DOCK9: variants seen among roughly 807,000 people sequenced by gnomAD.
The protein encoded by DOCK9 is dedicator of cytokinesis 9.
DOCK9 carries 89 observed loss-of-function variants against 263.3 expected under a neutral mutation model. The observed-to-expected ratio is 0.34, with a 90% CI of 0.28 to 0.40. DOCK9 has a LOEUF of 0.40. Among genes scored for constraint, DOCK9 ranks in the 10% least tolerant of loss-of-function variants. The pLI is 1.00. For missense variants in DOCK9, 2,140 were observed against 2,603.4 expected (o/e 0.82, Z 3.87); for synonymous variants, 976 against 973.1 (o/e 1.00, Z -0.06).
At chr13:98,872,177 T>C (rs1034234197) in intron 27 of DOCK9, among the ~76,000 whole-genome samples, 2 of 152,208 alleles carry the variant, frequency 1.3e-5, no homozygotes, top group Admixed American at 1.3e-4. Flanking sequence ...CTCTCTGGTG[T>C]GGTTTAGAGG....
chr13:98,954,897 C>CACACACACACACAT (rs1267820966), intron 2 of DOCK9, among the ~76,000 whole-genome samples: 9 of 149,826 alleles, frequency 6.0e-5, no homozygotes, highest in African/African-American at 2.2e-4. Context: ...CACACACACA[C>CACACACACACACAT]ATTTTGGCAT....
chr13:98,908,717 A>G (rs1285123456), intron 9 of DOCK9, among the ~76,000 whole-genome samples: 1 of 152,188 alleles, frequency 6.6e-6, no homozygotes, highest in Non-Finnish European at 1.5e-5. Flanking sequence ...CAGTTTGGTG[A>G]AAGGGGAATT....
At chr13:98,958,878 A>G (rs1425054944) in intron 1 of DOCK9, among the ~76,000 whole-genome samples, 1 of 152,234 alleles carries the variant, frequency 6.6e-6, no homozygotes, top group Non-Finnish European at 1.5e-5. Context: ...TAATAAAAAT[A>G]TTCATGGGTC....
intron 1 of DOCK9, among the ~76,000 whole-genome samples, chr13:98,974,748 C>CAAAAA (rs57196019): frequency 1.3e-3 from 42 of 33,190 alleles, no homozygotes; most frequent in East Asian, 3.7e-3. Flanking sequence ...AACTCTGTCT[C>CAAAAA]AAAAAAAAAA....
rs139498742 is a variant in DOCK9 at position 98,924,372 on chromosome 13, C to G, written c.417-1001G>C. Among the ~76,000 whole-genome samples the G allele has an allele frequency of 4.1e-3, 623 of 152,296 alleles. 5 individuals are homozygous for G. Among genetic ancestry groups the G allele is most frequent in the African/African-American group, 0.014 (588 of 41,576 alleles). On this transcript the variant is annotated intron_variant, in intron 4 of 52. Transcript: ENST00000682017. The stretch of plus-strand genomic sequence containing the variant: ...GGTTCCAGCTCAAAGATGTAACAAA[C>G]GCAAAGAAAAATACATTAATCAGGT...
Position 98,825,990 on chromosome 13 carries a change from G to C in DOCK9, c.5023+840C>G. The C allele has an allele frequency of 7.2e-7, 1 of 1,396,510 alleles. No individual in the cohort carries two copies. The highest frequency in any genetic ancestry group is 1.7e-5 in the South Asian group (1 of 59,702). 86.5% of individuals were successfully genotyped at this position (1,396,510 alleles called of 1,614,324 possible). A position where few individuals can be genotyped will look rare whatever the true frequency, so the allele number is the denominator to read the frequency against. On this transcript the variant is annotated intron_variant, in intron 44 of 52. Coordinates refer to ENST00000682017, the MANE Select transcript of DOCK9 (RefSeq NM_001366683.2). This position sits in a 1 kb window ranked among gnomAD's most constrained non-coding sequence, Gnocchi z 4.1. ...TGATAAAAGGTCTCAACAGGAAATA[G>C]TACCGGTATTAAATGAACATGGAGC...
At chr13:98,997,569 A>C (rs1429735587) in intron 1 of DOCK9, among the ~76,000 whole-genome samples, 1 of 152,214 alleles carries the variant, frequency 6.6e-6, no homozygotes, top group African/African-American at 2.4e-5. Flanking sequence ...TTTGTCTTCA[A>C]AACCACCCAC....
At chr13:98,975,890 A>C (rs961017792) in intron 1 of DOCK9, among the ~76,000 whole-genome samples, 3 of 152,252 alleles carry the variant, frequency 2.0e-5, no homozygotes, top group Non-Finnish European at 4.4e-5. Context: ...GTACTGCCAC[A>C]AACAGGTTGC....
At chr13:98,860,330 C>A in intron 33 of DOCK9, 75 bp downstream of exon 33, 1 of 1,545,278 alleles carries the variant, frequency 6.5e-7, no homozygotes, top group African/African-American at 1.4e-5. Context: ...AAGTGTGACA[C>A]GTTCACCAAC....
chr13:98,969,864 G>A (rs1249600061), intron 1 of DOCK9, among the ~76,000 whole-genome samples: 24 of 152,242 alleles, frequency 1.6e-4, no homozygotes, highest in Non-Finnish European at 3.1e-4. Context: ...GGCTGCAGGA[G>A]ATGAGGTCAG....
intron 47 of DOCK9, chr13:98,808,995 A>C: frequency 8.0e-7 from 1 of 1,242,660 alleles, no homozygotes; most frequent in Non-Finnish European, 1.1e-6. Flanking sequence ...TAAATGGAAT[A>C]AAATGTTAAT....
intron 1 of DOCK9, among the ~76,000 whole-genome samples, chr13:98,983,106 TATAAC>T (rs1877598514): frequency 6.6e-6 from 1 of 152,216 alleles, no homozygotes. Flanking sequence ...GAAGGATACT[TATAAC>T]AAAGGCAAAA....
chr13:98,879,370 A>G lies in DOCK9; in HGVS notation c.2943+528T>C, dbSNP rs146531780. Among the ~76,000 whole-genome samples the G allele has an allele frequency of 2.5e-3, 387 of 152,296 alleles. 5 individuals are homozygous for G. Among genetic ancestry groups the G allele is most frequent in the African/African-American group, 8.9e-3 (370 of 41,564 alleles). On this transcript the variant is annotated intron_variant, in intron 27 of 52. Transcript: ENST00000682017. ...AATTTGAGACTGCGCATCTGCCCCA[A>G]CGAGATGGATAATCTCAGAGTCTGT...
intron 43 of DOCK9, among the ~76,000 whole-genome samples, chr13:98,827,700 A>G (rs2092600071): frequency 6.6e-6 from 1 of 152,242 alleles, no homozygotes; most frequent in Non-Finnish European, 1.5e-5. Context: ...TGTACTGTCC[A>G]GTCCTCGGAG....
At position 98,810,301 on chromosome 13, in the gene DOCK9, G is replaced by A. The variant is rs558209170; in HGVS notation, c.5131-10C>T. ...GCTCCATCAGCACATCCTGATCAAA[G>A]AGGAGGGCCAACAGCAAGAGAAGAG... On this transcript the variant is annotated splice_polypyrimidine_tract_variant and intron_variant, in intron 45 of 52. Coordinates refer to ENST00000682017, the MANE Select transcript of DOCK9 (RefSeq NM_001366683.2). 4 of 1,612,948 alleles carry A rather than the reference G, an allele frequency of 2.5e-6. No homozygotes were observed. The South Asian group carries it at 4.4e-5, about 18-fold the overall frequency.
chr13:98,865,668 C>G (rs12875139), intron 30 of DOCK9, among the ~76,000 whole-genome samples: 26,017 of 152,046 alleles, frequency 0.17, 3,116 homozygotes, highest in East Asian at 0.44. Flanking sequence ...AGCCACTGGG[C>G]AAAAAGAGCT....
intron 1 of DOCK9, among the ~76,000 whole-genome samples, chr13:99,085,684 G>C (rs1399681746): frequency 2.0e-5 from 3 of 152,042 alleles, no homozygotes; most frequent in Admixed American, 6.6e-5. Context: ...CTTGGAGGTG[G>C]GGGGCGCAGG....
chr13:99,055,542 G>A (rs1269516908), intron 1 of DOCK9, among the ~76,000 whole-genome samples: 1 of 152,144 alleles, frequency 6.6e-6, no homozygotes, highest in Non-Finnish European at 1.5e-5. Context: ...GGAGCAGCCA[G>A]GCGCACAGGG....
At chr13:99,014,403 C>T (rs372964652) in intron 1 of DOCK9, among the ~76,000 whole-genome samples, 1 of 152,212 alleles carries the variant, frequency 6.6e-6, no homozygotes, top group East Asian at 1.9e-4. Context: ...CACTGACTTG[C>T]AAAATGCATC....
Sources: allele counts gnomAD v4.1 joint callset (sites outside exome capture counted in the v4.1 genomes callset), GRCh38; gene constraint gnomAD v4.1.1; non-coding constraint Gnocchi (gnomAD v3.1); transcripts MANE v1.5; gene names NCBI Gene and HGNC (gene_info 2026-07-23, HGNC 2026-07-21).